The following PCBP3 variants were observed in gnomAD, a reference collection of about 807,000 sequenced individuals.
PCBP3 encodes poly(rC) binding protein 3.
In PCBP3, 25 loss-of-function variants were observed where a neutral mutation model predicts 52.7. The ratio of observed to expected loss-of-function variants is 0.47; its 90% confidence interval spans 0.35 to 0.66. PCBP3 has a LOEUF of 0.66. Ranked by LOEUF, PCBP3 falls within the 30% of genes least tolerant of loss-of-function variation. The pLI, the probability that PCBP3 is intolerant of heterozygous loss-of-function variation, is 0.01. For synonymous variants in PCBP3, 162 were observed against 183.0 expected (o/e 0.89, Z 0.93); for missense variants, 391 against 490.3 (o/e 0.80, Z 1.91).
chr21:45,768,094 C>T (rs775894579), intron 4 of PCBP3, among the ~76,000 whole-genome samples: 8 of 152,268 alleles, frequency 5.3e-5, no homozygotes, highest in Non-Finnish European at 8.8e-5. Flanking sequence ...TGGCTGGCTG[C>T]TTCCCTCCCA....
At chr21:45,913,919 GCTCT>G in intron 11 of PCBP3, 28 bp from the exon 12 acceptor site, 7 of 1,587,418 alleles carry the variant, frequency 4.4e-6, no homozygotes, top group Non-Finnish European at 6.0e-6. Context: ...CTGCTCTAAC[GCTCT>G]CTCTCCCTCT....
At chr21:45,768,858 A>G (rs1277810206) in intron 4 of PCBP3, among the ~76,000 whole-genome samples, 2 of 152,180 alleles carry the variant, frequency 1.3e-5, no homozygotes, top group East Asian at 1.9e-4. Flanking sequence ...CTGCAGTGCT[A>G]TCGTCCCCTC....
At position 45,805,626 on chromosome 21, in the gene PCBP3, G is replaced by T. The variant is rs529680532; in HGVS notation, c.-125-44335G>T. On this transcript the variant is annotated intron_variant, in intron 4 of 17. Transcript: ENST00000681687. The surrounding 1 kb of genome is among the most constrained non-coding windows in gnomAD (Gnocchi z 4.6). ...GATAATGCTTCCTGTCTGCTTTTGT[G>T]TCAACAGTTGGGGCAAGCACATTTT... is the stretch of plus-strand genomic sequence containing the variant. 1.3e-5 allele frequency among the ~76,000 whole-genome samples: 2 copies of T among 152,306 alleles called. No individual in the cohort carries two copies. Among genetic ancestry groups the T allele is most frequent in the Admixed American group, 1.3e-4 (2 of 15,302 alleles).
At chr21:45,815,185 G>C (rs1355875951) in intron 4 of PCBP3, among the ~76,000 whole-genome samples, 1 of 73,510 alleles carries the variant, frequency 1.4e-5, no homozygotes. Flanking sequence ...AGTGGTGAGT[G>C]AGTGGTGAGT....
Position 45,872,480 on chromosome 21 carries a change from G to C in PCBP3, c.10+22385G>C, listed in dbSNP as rs541047085. 3.3e-5 allele frequency: 5 copies of C among 152,376 alleles called. No homozygotes were observed. The East Asian group carries it at 9.6e-4, about 29-fold the overall frequency. 9.4% of individuals were successfully genotyped at this position (152,376 alleles called of 1,614,324 possible). ...GATTTGGAACCAGTGCTGTGCTTTT[G>C]TGTTTTGGTAAATTGTCTTTACCTT... On this transcript the variant is annotated intron_variant, in intron 5 of 17. Coordinates refer to ENST00000681687, the MANE Select transcript of PCBP3 (RefSeq NM_001384156.1).
intron 4 of PCBP3, among the ~76,000 whole-genome samples, chr21:45,834,451 A>C (rs1232779485): frequency 6.6e-6 from 1 of 152,208 alleles, no homozygotes; most frequent in African/African-American, 2.4e-5. Context: ...TGGCGTCCCC[A>C]TGCAGCTTGT....
rs2092339547 is a variant in PCBP3 at position 45,802,375 on chromosome 21, C to T, written c.-126+46923C>T. On this transcript the variant is annotated intron_variant, in intron 4 of 17. Coordinates refer to ENST00000681687, the MANE Select transcript of PCBP3 (RefSeq NM_001384156.1). This position sits in a 1 kb window ranked among gnomAD's most constrained non-coding sequence, Gnocchi z 5.1. ...TGCTCTTTCAAGACAGCCCTGATGGCATCACCTCCCTTCACTCGCCTCTTC... is the reference window on the plus strand; with the variant it reads ...TGCTCTTTCAAGACAGCCCTGATGGTATCACCTCCCTTCACTCGCCTCTTC... Among the ~76,000 whole-genome samples, 1 of 152,192 alleles carries T rather than the reference C, an allele frequency of 6.6e-6. No homozygotes were observed. The highest frequency in any genetic ancestry group is 6.5e-5 in the Admixed American group (1 of 15,278).
intron 5 of PCBP3, among the ~76,000 whole-genome samples, chr21:45,864,184 T>C (rs2094617082): frequency 6.6e-6 from 1 of 152,192 alleles, no homozygotes; most frequent in Non-Finnish European, 1.5e-5. Context: ...CTTTTCTGTC[T>C]GATGAGTGCC....
chr21:45,793,187 A>G (rs1444448782), intron 4 of PCBP3, among the ~76,000 whole-genome samples: 1 of 152,190 alleles, frequency 6.6e-6, no homozygotes, highest in Non-Finnish European at 1.5e-5. Context: ...GGCTCCTTCA[A>G]AGGGAGTGCC....
At chr21:45,932,633 C>G (rs114163751) in intron 15 of PCBP3, among the ~76,000 whole-genome samples, 1,667 of 152,074 alleles carry the variant, frequency 0.011, 35 homozygotes, top group African/African-American at 0.037. Context: ...GCCGTGCCGT[C>G]CTGAGATGAA....
intron 2 of PCBP3, among the ~76,000 whole-genome samples, chr21:45,725,614 G>C (rs1569154761): frequency 6.6e-6 from 1 of 152,322 alleles, no homozygotes; most frequent in South Asian, 2.1e-4. Context: ...CACAGGCAGG[G>C]TTCTTACCAC....
At chr21:45,916,746 G>A (rs996939689) in intron 12 of PCBP3, 68 of 152,270 alleles carry the variant, frequency 4.5e-4, no homozygotes, top group African/African-American at 1.6e-3. Flanking sequence ...ACCAGGCCTG[G>A]TGCAGCCCTG....
chr21:45,816,100 AGTGAGTG>A (rs947484656), intron 4 of PCBP3, among the ~76,000 whole-genome samples: 8 of 133,682 alleles, frequency 6.0e-5, no homozygotes, highest in African/African-American at 8.6e-5. Flanking sequence ...GTGAGTGGTG[AGTGAGTG>A]GTGAGTGGTG....
intron 2 of PCBP3, among the ~76,000 whole-genome samples, chr21:45,695,903 A>C (rs2082736565): frequency 1.3e-5 from 2 of 151,874 alleles, no homozygotes; most frequent in African/African-American, 4.8e-5. Context: ...ACATGGTGAA[A>C]TCCCGTCTCT....
chr21:45,913,993 G>A lies in PCBP3; in HGVS notation c.643G>A (p.Ala215Thr), dbSNP rs944745132. The A allele has an allele frequency of 2.2e-5, 35 of 1,613,342 alleles. No homozygotes were observed. In the Admixed American group the frequency reaches 4.0e-4, roughly 18 times the overall value. ...GATIPYRPKP[A>T]STPVIFAGGQ... is the part of the protein sequence containing the mutation. The stretch of plus-strand genomic sequence containing the variant: ...CACCATTCCCTACCGCCCAAAGCCC[G>A]CCTCCACCCCTGTCATTTTTGCAGG... Residue 215 changes from alanine (A) to threonine (T), a missense_variant, in exon 12 of 18, where the codon GCC becomes ACC. Transcript: ENST00000681687.
At chr21:45,742,240 T>G (rs2086505110) in intron 3 of PCBP3, among the ~76,000 whole-genome samples, 1 of 152,204 alleles carries the variant, frequency 6.6e-6, no homozygotes, top group Admixed American at 6.5e-5. Context: ...GACATGGACA[T>G]TTAAAAGAGG....
intron 5 of PCBP3, among the ~76,000 whole-genome samples, chr21:45,877,581 A>G (rs1569415988): frequency 1.3e-5 from 2 of 152,220 alleles, no homozygotes. Context: ...AAGCAGCCAA[A>G]TCACCTGAGG....
At chr21:45,787,191 G>A (rs965661766) in intron 4 of PCBP3, among the ~76,000 whole-genome samples, 1 of 151,990 alleles carries the variant, frequency 6.6e-6, no homozygotes, top group African/African-American at 2.4e-5. Context: ...CATAATCAGT[G>A]CCTGTTTCTG....
At position 45,853,413 on chromosome 21, in the gene PCBP3, C is replaced by G. The variant is rs1013650057; in HGVS notation, c.10+3318C>G. Among the ~76,000 whole-genome samples the G allele has an allele frequency of 2.6e-5, 4 of 152,146 alleles. No individual in the cohort carries two copies. Among genetic ancestry groups the G allele is most frequent in the Admixed American group, 2.0e-4 (3 of 15,274 alleles). On this transcript the variant is annotated intron_variant, in intron 5 of 17. Transcript: ENST00000681687. The surrounding 1 kb of genome is among the most constrained non-coding windows in gnomAD (Gnocchi z 4.6). ...TGAAAAAATAATTGGACAAAACACA[C>G]AAACAAAGCAAGGAAAGAATGAAGC...
Sources: allele counts gnomAD v4.1 joint callset (sites outside exome capture counted in the v4.1 genomes callset), GRCh38; gene constraint gnomAD v4.1.1; non-coding constraint Gnocchi (gnomAD v3.1); transcripts MANE v1.5; gene names NCBI Gene and HGNC (gene_info 2026-07-23, HGNC 2026-07-21).